ZNF469: variants seen among roughly 807,000 people sequenced by gnomAD.
ZNF469 encodes zinc finger protein 469.
Under a neutral mutation model 1.0 loss-of-function variants are expected in ZNF469, and 1 was observed. That is an observed-to-expected ratio of 1.00 (90% CI 0.35 to 4.73). The LOEUF (loss-of-function observed/expected upper bound fraction) is 4.73. Among genes scored for constraint, ZNF469 ranks in the 30% most tolerant of loss-of-function variants. The pLI, the probability that ZNF469 is intolerant of heterozygous loss-of-function variation, is 0.16. For synonymous variants in ZNF469, 2,703 were observed against 2,363.4 expected (o/e 1.14, Z -4.17); for missense variants, 6,100 against 5,356.3 (o/e 1.14, Z -4.33).
At chr16:88,387,553 C>T (rs1043316839) in intron 1 of ZNF469, among the ~76,000 whole-genome samples, 2 of 152,190 alleles carry the variant, frequency 1.3e-5, no homozygotes, top group African/African-American at 4.8e-5. Flanking sequence ...TGTGACCCGG[C>T]GTCAAACGGT....
chr16:88,174,439 A>C, the ZNF469 span, among the ~76,000 whole-genome samples: 1 of 151,130 alleles, frequency 6.6e-6, no homozygotes, highest in Non-Finnish European at 1.5e-5. Context: ...TCAGAGTGTA[A>C]CCAGAGGAGC....
chr16:88,282,236 GC>G, the ZNF469 span, among the ~76,000 whole-genome samples: 2 of 152,202 alleles, frequency 1.3e-5, no homozygotes, highest in African/African-American at 4.8e-5. Flanking sequence ...AGAGGGCAGT[GC>G]TGGCTCCACA....
chr16:88,385,860 G>A (rs1256937809), intron 1 of ZNF469, among the ~76,000 whole-genome samples: 4 of 152,172 alleles, frequency 2.6e-5, no homozygotes, highest in East Asian at 1.9e-4. Context: ...ACGGGCTGGT[G>A]TGTGGAGCAC....
chr16:88,379,794 G>C (rs1263316658), upstream of ZNF469, among the ~76,000 whole-genome samples: 1 of 151,898 alleles, frequency 6.6e-6, no homozygotes, highest in African/African-American at 2.4e-5. Flanking sequence ...CTCTGGGACA[G>C]GGGAGGTGTG....
chr16:88,288,168 C>T, the ZNF469 span, among the ~76,000 whole-genome samples: 10 of 152,102 alleles, frequency 6.6e-5, no homozygotes, highest in Non-Finnish European at 1.0e-4. Flanking sequence ...TCCATCTTAC[C>T]GGGGAGTATC....
the ZNF469 span, among the ~76,000 whole-genome samples, chr16:88,244,765 C>T: frequency 2.0e-3 from 240 of 118,118 alleles, no homozygotes; most frequent in African/African-American, 4.4e-3. Flanking sequence ...AGAGGTATGG[C>T]TGGGTAAGCA....
the ZNF469 span, among the ~76,000 whole-genome samples, chr16:88,317,548 C>T: frequency 1.3e-5 from 2 of 152,176 alleles, no homozygotes; most frequent in Non-Finnish European, 1.5e-5. Flanking sequence ...GGCATTCTCC[C>T]GACCTGGTGC....
At chr16:88,120,980 C>T in the ZNF469 span, among the ~76,000 whole-genome samples, 115 of 152,118 alleles carry the variant, frequency 7.6e-4, no homozygotes, top group African/African-American at 2.7e-3. Context: ...AAGGCCTCAC[C>T]ATAGGTGTGG....
chr16:88,289,042 G>A, the ZNF469 span, among the ~76,000 whole-genome samples: 3 of 151,956 alleles, frequency 2.0e-5, no homozygotes, highest in African/African-American at 7.3e-5. Context: ...AATGATAACA[G>A]TGATGGTGAT....
At position 88,433,109 on chromosome 16, in the gene ZNF469, G is replaced by A. The variant is rs1200460982; in HGVS notation, c.5639G>A (p.Ser1880Asn). The A allele has an allele frequency of 1.9e-6, 3 of 1,550,228 alleles. No individual in the cohort carries two copies. The highest frequency in any genetic ancestry group is 2.6e-6 in the Non-Finnish European group (3 of 1,146,974). Residue 1880 changes from serine to asparagine, a missense_variant, in exon 3 of 3, where the codon AGT (serine) becomes AAT (asparagine). By Grantham distance (46) the Ser-to-Asn change is conservative. Transcript: ENST00000565624. Reference protein sequence around the residue: ...GREAWLVPVPSPACVSNTHPS... With the variant: ...GREAWLVPVPNPACVSNTHPS... Reference sequence around the variant, plus strand: ...GAGGCTTGGTTGGTCCCTGTGCCAAGTCCCGCCTGTGTATCCAACACCCAC... The same window carrying A: ...GAGGCTTGGTTGGTCCCTGTGCCAAATCCCGCCTGTGTATCCAACACCCAC...
In ZNF469 at chr16:88,427,496, C is replaced by G; in HGVS notation, c.26C>G (p.Ala9Gly). ...ATGCCTGGGGAGCGCCCCCGAGGAGCGCCGCCCCCCACCATGACTGGAGAC... is the reference window on the plus strand; with the variant it reads ...ATGCCTGGGGAGCGCCCCCGAGGAGGGCCGCCCCCCACCATGACTGGAGAC... MPGERPRG[A>G]PPPTMTGDLQ... Residue 9 changes from alanine to glycine, a missense_variant, in exon 3 of 3, where the codon GCG becomes GGG. Ala to Gly is a moderately conservative substitution (Grantham distance 60, BLOSUM62 0). Transcript: ENST00000565624. 6.5e-7 allele frequency: 1 copy of G among 1,527,406 alleles called. No homozygotes were observed. Among genetic ancestry groups the G allele is most frequent in the African/African-American group, 1.4e-5 (1 of 72,912 alleles). The allele number at this position is 1,527,406 out of a possible 1,614,324, so 94.6% of individuals were successfully genotyped here.
the ZNF469 span, among the ~76,000 whole-genome samples, chr16:88,220,320 A>G: frequency 2.0e-5 from 3 of 152,182 alleles, no homozygotes; most frequent in Non-Finnish European, 4.4e-5. Context: ...TGTGACGCCA[A>G]CCCTGCTATA....
At chr16:88,246,304 G>C in the ZNF469 span, among the ~76,000 whole-genome samples, 4 of 152,224 alleles carry the variant, frequency 2.6e-5, no homozygotes, top group Non-Finnish European at 5.9e-5. Context: ...TGATGTGTCA[G>C]GTACCAGTTC....
the ZNF469 span, among the ~76,000 whole-genome samples, chr16:88,129,432 C>G: frequency 1.0e-5 from 1 of 97,790 alleles, no homozygotes; most frequent in Admixed American, 1.0e-4. Flanking sequence ...TTTGCACATA[C>G]CGTTTTTTTT....
the ZNF469 span, among the ~76,000 whole-genome samples, chr16:88,244,761 A>G: frequency 8.7e-6 from 1 of 115,332 alleles, no homozygotes; most frequent in Non-Finnish European, 1.7e-5. Context: ...AAACAGAGGT[A>G]TGGCTGGGTA....
chr16:88,299,010 T>C, the ZNF469 span, among the ~76,000 whole-genome samples: 2 of 152,076 alleles, frequency 1.3e-5, no homozygotes, highest in African/African-American at 4.8e-5. Flanking sequence ...CCTGTCACCC[T>C]GCACCTCCAG....
chr16:88,398,928 C>T (rs1267024942), intron 1 of ZNF469, among the ~76,000 whole-genome samples: 1 of 152,230 alleles, frequency 6.6e-6, no homozygotes, highest in Non-Finnish European at 1.5e-5. Context: ...TGCCTCATTT[C>T]ATCCCCACAG....
At chr16:88,305,033 A>G in the ZNF469 span, among the ~76,000 whole-genome samples, 3 of 152,130 alleles carry the variant, frequency 2.0e-5, no homozygotes, top group Non-Finnish European at 4.4e-5. Flanking sequence ...AGAGCAGTAG[A>G]GGCCAAGCTG....
rs752805730 is a variant in ZNF469, at chr16:88,436,523, C to T, written c.9053C>T (p.Pro3018Leu). Residue 3018 changes from proline to leucine, a missense_variant, in exon 3 of 3, where the codon CCC becomes CTC. By Grantham distance (98) the Pro-to-Leu change is moderately conservative (BLOSUM62 -3). Coordinates refer to ENST00000565624, the MANE Select transcript of ZNF469 (RefSeq NM_001367624.2). ...DSSSSLGDVS[P>L]EPPSLERERC... is the part of the protein sequence containing the mutation. ...TCCTCTTCTCTCGGAGATGTGAGCC[C>T]CGAGCCCCCCAGCCTGGAGAGAGAA... The T allele has an allele frequency of 1.9e-6, 3 of 1,549,104 alleles. No homozygotes were observed. The South Asian group carries it at 3.6e-5, about 18-fold the overall frequency.
Sources: gnomAD v4.1 joint callset for allele counts (sites outside exome capture counted in the v4.1 genomes callset) on GRCh38, gnomAD v4.1.1 for gene constraint, MANE v1.5 for transcripts, NCBI Gene and HGNC (gene_info 2026-07-23, HGNC 2026-07-21) for gene names.